The following TET2 variants were observed in gnomAD, a reference collection of about 807,000 sequenced individuals.
TET2 encodes the protein tet methylcytosine dioxygenase 2, also known as methylcytosine dioxygenase TET2.
Under a neutral mutation model 142.9 loss-of-function variants are expected in TET2, and 299 were observed. The ratio of observed to expected loss-of-function variants is 2.09; its 90% CI spans 1.90 to 2.30. The LOEUF is 2.30. Among genes scored for constraint, TET2 ranks in the 30% most tolerant of loss-of-function variants. TET2 has a pLI of 0.00. For missense variants in TET2, 2,418 were observed against 2,378.0 expected (o/e 1.02, Z -0.35); for synonymous variants, 819 against 849.0 (o/e 0.96, Z 0.61).
Position 105,235,109 on chromosome 4 carries a change from G to T in TET2, c.1167G>T (p.Lys389Asn). Residue 389 changes from lysine (K) to asparagine (N), a missense_variant, in exon 3 of 11, where the codon AAG becomes AAT. Coordinates refer to ENST00000380013, the MANE Select transcript of TET2 (RefSeq NM_001127208.3). Reference sequence around the variant, plus strand: ...TCAAGCAAAGCTCAGTGTTCACTAAGGATTCCTTTTCTGCCACTACCACAC... The same window carrying T: ...TCAAGCAAAGCTCAGTGTTCACTAATGATTCCTTTTCTGCCACTACCACAC... The part of the protein sequence containing the change: ...AYFKQSSVFT[K>N]DSFSATTTPP... The T allele has an allele frequency of 6.2e-7, 1 of 1,613,898 alleles. No individual in the cohort carries two copies. Among genetic ancestry groups the T allele is most frequent in the South Asian group, 1.1e-5 (1 of 91,068 alleles).
At chr4:105,169,941 T>C (rs1724367307) in intron 1 of TET2, among the ~76,000 whole-genome samples, 1 of 152,180 alleles carries the variant, frequency 6.6e-6, no homozygotes, top group Non-Finnish European at 1.5e-5. Context: ...TTGGTCTCTG[T>C]ACCTATTTTT....
chr4:105,259,843 A>G (rs1449172571), intron 7 of TET2, 74 bp downstream of exon 7: 1 of 1,408,186 alleles, frequency 7.1e-7, no homozygotes, highest in Non-Finnish European at 9.5e-7. Context: ...AGTGAACAAT[A>G]TGACATATCT....
intron 2 of TET2, among the ~76,000 whole-genome samples, chr4:105,206,663 ACT>A (rs1259666086): frequency 5.3e-5 from 8 of 151,804 alleles, no homozygotes; most frequent in Admixed American, 1.3e-4. Flanking sequence ...AATTCTTTAA[ACT>A]CTCTGCCTCT....
At chr4:105,168,440 C>T (rs1274179929) in intron 1 of TET2, among the ~76,000 whole-genome samples, 1 of 152,118 alleles carries the variant, frequency 6.6e-6, no homozygotes, top group Non-Finnish European at 1.5e-5. Context: ...AGCACCCTTC[C>T]TTCAGAGAGC....
intron 2 of TET2, among the ~76,000 whole-genome samples, chr4:105,207,624 G>A (rs752574751): frequency 3.9e-5 from 6 of 152,094 alleles, no homozygotes; most frequent in Non-Finnish European, 7.4e-5. Context: ...GTATGATTTC[G>A]GATGTGAAAA....
chr4:105,212,432 T>A (rs1326681354), intron 2 of TET2, among the ~76,000 whole-genome samples: 3 of 152,210 alleles, frequency 2.0e-5, no homozygotes, highest in African/African-American at 7.2e-5. Context: ...TATTTACATA[T>A]AATGACTGGC....
intron 2 of TET2, among the ~76,000 whole-genome samples, chr4:105,204,234 T>TGCACACAC (rs1553948996): frequency 5.0e-4 from 63 of 125,962 alleles, no homozygotes; most frequent in Admixed American, 1.5e-3. Flanking sequence ...AAAAAATATA[T>TGCACACAC]ACACACACAC....
Position 105,235,954 on chromosome 4 carries a change from C to G in TET2, c.2012C>G (p.Ala671Gly), listed in dbSNP as rs1395531891. 6.2e-7 allele frequency: 1 copy of G among 1,614,126 alleles called. No homozygotes were observed. Among genetic ancestry groups the G allele is most frequent in the Admixed American group, 1.7e-5 (1 of 60,008 alleles). ...TCCAAAACAGACCATTTACCAAAAG[C>G]TCATGTGCAGTCACTGTGTGGCACT... ...HFSKTDHLPK[A>G]HVQSLCGTRF... is the part of the protein sequence containing the mutation. Residue 671 changes from alanine (A) to glycine (G), a missense_variant, in exon 3 of 11, where the codon GCT (alanine) becomes GGT (glycine). Ala to Gly is a moderately conservative substitution (Grantham distance 60). Transcript: ENST00000380013.
Position 105,235,381 on chromosome 4 carries a change from C to T in TET2, c.1439C>T (p.Pro480Leu). 1 of 1,614,144 alleles carries T rather than the reference C, an allele frequency of 6.2e-7. No individual in the cohort carries two copies. The highest frequency in any genetic ancestry group is 8.5e-7 in the Non-Finnish European group (1 of 1,180,016). Residue 480 changes from proline (P) to leucine (L), a missense_variant, in exon 3 of 11, where the codon CCT becomes CTT. Physicochemically the swap from Pro to Leu is moderately conservative, Grantham distance 98. Coordinates refer to ENST00000380013, the MANE Select transcript of TET2 (RefSeq NM_001127208.3). The part of the protein sequence containing the change: ...CSPSPMLSER[P>L]QNNCVNRNDI... ...CCTTCTCCGATGCTTTCTGAAAGGC[C>T]TCAGAATAATTGTGTGAACAGGAAT...
chr4:105,258,421 T>G (rs892787185), intron 6 of TET2, among the ~76,000 whole-genome samples: 1 of 152,204 alleles, frequency 6.6e-6, no homozygotes, highest in African/African-American at 2.4e-5. Context: ...AATGATAGAA[T>G]AAATGCATGG....
At chr4:105,188,593 A>G (rs1191134948) in intron 1 of TET2, among the ~76,000 whole-genome samples, 1 of 152,232 alleles carries the variant, frequency 6.6e-6, no homozygotes, top group African/African-American at 2.4e-5. Context: ...TATGAGGCTA[A>G]AAGTGGAAGT....
intron 2 of TET2, among the ~76,000 whole-genome samples, chr4:105,195,833 A>G (rs548400487): frequency 6.6e-6 from 1 of 152,296 alleles, no homozygotes; most frequent in Non-Finnish European, 1.5e-5. Context: ...GTAATTCTCA[A>G]CCAAGGACAC....
chr4:105,268,697 G>A (rs1394481265), intron 8 of TET2, among the ~76,000 whole-genome samples: 4 of 152,196 alleles, frequency 2.6e-5, no homozygotes, highest in South Asian at 2.1e-4. Flanking sequence ...TTGCCCAGGC[G>A]CAGTGGCTCA....
intron 2 of TET2, among the ~76,000 whole-genome samples, chr4:105,208,300 C>T (rs1258273485): frequency 6.6e-6 from 1 of 152,058 alleles, no homozygotes; most frequent in Non-Finnish European, 1.5e-5. Context: ...GCTTTTAAGG[C>T]CCCATTCTCA....
Position 105,236,323 on chromosome 4 carries a change from C to A in TET2, c.2381C>A (p.Ser794Ter). ...CFHGENQYSK[S>*]SEFETHNVQM... Reference sequence around the variant, plus strand: ...CATGGTGAAAATCAGTATTCAAAATCAAGCGAGTTCGAGACTCATAATGTC... The same window carrying A: ...CATGGTGAAAATCAGTATTCAAAATAAAGCGAGTTCGAGACTCATAATGTC... The change falls in exon 3 of 11, where the codon TCA becomes TAA. Residue 794 changes from serine to a stop codon, truncating the protein, a stop_gained. Coordinates refer to ENST00000380013, the MANE Select transcript of TET2 (RefSeq NM_001127208.3). LOFTEE classifies it high-confidence loss of function. 6.2e-7 allele frequency: 1 copy of A among 1,613,988 alleles called. No homozygotes were observed. The highest frequency in any genetic ancestry group is 8.5e-7 in the Non-Finnish European group (1 of 1,179,992).
At chr4:105,154,201 A>G (rs1334332004) in intron 1 of TET2, among the ~76,000 whole-genome samples, 1 of 152,234 alleles carries the variant, frequency 6.6e-6, no homozygotes, top group Non-Finnish European at 1.5e-5. Flanking sequence ...CTATAATTAG[A>G]TAGTAATGAT....
Position 105,276,255 on chromosome 4 carries a change from T to C in TET2, c.5745T>C (p.Ala1915=), listed in dbSNP as rs770445469. The change falls in exon 11 of 11, where the codon GCT becomes GCC. Residue 1915 remains alanine, a synonymous_variant. Coordinates refer to ENST00000380013, the MANE Select transcript of TET2 (RefSeq NM_001127208.3). ...KSMNEPKHGL[A]LWEAKMAEKA... ...TGAATGAGCCAAAACATGGCTTGGC[T>C]CTTTGGGAAGCCAAAATGGCTGAAA... The C allele has an allele frequency of 9.1e-5, 141 of 1,551,490 alleles. No homozygotes were observed. Among genetic ancestry groups the C allele is most frequent in the Non-Finnish European group, 1.1e-4 (128 of 1,146,972 alleles).
At chr4:105,199,113 G>T (rs956627321) in intron 2 of TET2, among the ~76,000 whole-genome samples, 22 of 152,166 alleles carry the variant, frequency 1.4e-4, no homozygotes, top group Admixed American at 1.3e-3. Context: ...AGTTGAGCAA[G>T]AATCTGTCAC....
In TET2 at chr4:105,269,710, A is replaced by G. The variant is rs1131691943; in HGVS notation, c.4145A>G (p.His1382Arg). 4 of 1,551,696 alleles carry G rather than the reference A, an allele frequency of 2.6e-6. No individual in the cohort carries two copies. Among genetic ancestry groups the G allele is most frequent in the Non-Finnish European group, 3.5e-6 (4 of 1,146,948 alleles). ...TACLDFCAHAHRDLHNMQNGS... is the reference protein window; with the variant it reads ...TACLDFCAHARRDLHNMQNGS... Reference sequence around the variant, plus strand: ...TGTTTGGACTTCTGTGCTCATGCCCACAGAGACTTGCACAACATGCAGAAT... The same window carrying G: ...TGTTTGGACTTCTGTGCTCATGCCCGCAGAGACTTGCACAACATGCAGAAT... The change falls in exon 9 of 11, where the codon CAC becomes CGC. Residue 1382 changes from histidine (H) to arginine (R), a missense_variant. Physicochemically the swap from His to Arg is conservative, Grantham distance 29. Transcript: ENST00000380013.
Sources: allele counts gnomAD v4.1 joint callset (sites outside exome capture counted in the v4.1 genomes callset), GRCh38; gene constraint gnomAD v4.1.1; transcripts MANE v1.5; gene names NCBI Gene and HGNC (gene_info 2026-07-23, HGNC 2026-07-21).